The following DEPDC4 variants were observed in gnomAD, a reference collection of about 807,000 sequenced individuals.
The protein encoded by DEPDC4 is DEP domain containing 4, also known as DEP domain-containing protein 4.
Under a neutral mutation model 52.0 loss-of-function variants are expected in DEPDC4, and 52 were observed. That is an observed-to-expected ratio of 1.00 (90% CI 0.80 to 1.26). The LOEUF (loss-of-function observed/expected upper bound fraction) is 1.26. DEPDC4 is among the 50% of genes most tolerant of loss of function. DEPDC4 has a pLI of 0.00. For missense variants in DEPDC4, 530 were observed against 546.9 expected (o/e 0.97, Z 0.31); for synonymous variants, 201 against 196.8 (o/e 1.02, Z -0.18).
At chr12:100,279,296 A>G in the DEPDC4 span, among the ~76,000 whole-genome samples, 1 of 152,200 alleles carries the variant, frequency 6.6e-6, no homozygotes, top group African/African-American at 2.4e-5. Flanking sequence ...GGCTCCTTTG[A>G]GAATCTATTG....
At chr12:100,259,421 A>G (rs1318925982) in intron 3 of DEPDC4, among the ~76,000 whole-genome samples, 1 of 152,202 alleles carries the variant, frequency 6.6e-6, no homozygotes, top group Non-Finnish European at 1.5e-5. Flanking sequence ...ATGTGTATGA[A>G]TGTAAAAAAC....
rs1303120230 is a variant in DEPDC4, at chr12:100,241,669, G to T, written c.*223C>A. On this transcript the variant is annotated 3_prime_UTR_variant, in exon 10 of 10. Transcript: ENST00000550587. ...AATTGTAGTTTCTTGTATCAGAAAT[G>T]TTAATTCAAAGCTTCTGGATGGTGT... is the stretch of plus-strand genomic sequence containing the variant. 3 of 1,210,140 alleles carry T rather than the reference G, an allele frequency of 2.5e-6. No individual in the cohort carries two copies. The highest frequency in any genetic ancestry group is 3.2e-5 in the African/African-American group (2 of 61,916). 75.0% of individuals were successfully genotyped at this position (1,210,140 alleles called of 1,614,324 possible). A position where few individuals can be genotyped will look rare whatever the true frequency, so the allele number is the denominator to read the frequency against.
At chr12:100,259,780 G>A (rs2096247326) in intron 3 of DEPDC4, among the ~76,000 whole-genome samples, 1 of 152,124 alleles carries the variant, frequency 6.6e-6, no homozygotes, top group Non-Finnish European at 1.5e-5. Context: ...AGTTGTAAAT[G>A]GCCTGTCTGG....
At chr12:100,242,324 C>CTTTTTTTTTTTTTTT (rs746693169) in intron 9 of DEPDC4, among the ~76,000 whole-genome samples, 162 bp downstream of exon 9, 1 of 96,038 alleles carries the variant, frequency 1.0e-5, no homozygotes, top group Non-Finnish European at 2.1e-5. Flanking sequence ...ACTATGAGGG[C>CTTTTTTTTTTTTTTT]TTTTTTTTTT....
chr12:100,248,558 G>A (rs970666221), intron 8 of DEPDC4, among the ~76,000 whole-genome samples: 2 of 152,060 alleles, frequency 1.3e-5, no homozygotes, highest in Non-Finnish European at 2.9e-5. Flanking sequence ...GAGAGAGGAT[G>A]AAAAACAAGA....
At chr12:100,273,716 C>T in the DEPDC4 span, among the ~76,000 whole-genome samples, 2 of 152,162 alleles carry the variant, frequency 1.3e-5, no homozygotes, top group African/African-American at 4.8e-5. Context: ...GTATTATAAT[C>T]CCTTCTGGAA....
At chr12:100,238,009 G>A, downstream of DEPDC4, 1 of 950,178 alleles carries the variant, frequency 1.1e-6, no homozygotes, top group Non-Finnish European at 1.3e-6. Flanking sequence ...TTCCAAATAA[G>A]GAGACTTCTA....
intron 8 of DEPDC4, among the ~76,000 whole-genome samples, chr12:100,243,683 A>G (rs2096170193): frequency 6.6e-6 from 1 of 151,678 alleles, no homozygotes; most frequent in Non-Finnish European, 1.5e-5. Context: ...CCTTCCTCTC[A>G]GCAGATCAGT....
the DEPDC4 span, among the ~76,000 whole-genome samples, chr12:100,275,851 T>A: frequency 6.6e-6 from 1 of 152,248 alleles, no homozygotes; most frequent in Non-Finnish European, 1.5e-5. Flanking sequence ...GGAAGTTCCT[T>A]CCTGTTCTTA....
At chr12:100,269,900 A>G (rs1435336997), upstream of DEPDC4, among the ~76,000 whole-genome samples, 1 of 152,040 alleles carries the variant, frequency 6.6e-6, no homozygotes, top group Non-Finnish European at 1.5e-5. Context: ...GGTTATTTAG[A>G]TGTTCACCAG....
At chr12:100,274,059 T>TTTTCTACTGCTTACAAAA in the DEPDC4 span, among the ~76,000 whole-genome samples, 1 of 152,196 alleles carries the variant, frequency 6.6e-6, no homozygotes, top group African/African-American at 2.4e-5. Context: ...AGTAGCAACA[T>TTTTCTACTGCTTACAAAA]TTTCTAGCTG....
intron 3 of DEPDC4, 73 bp from the exon 4 acceptor site, chr12:100,256,299 G>T: frequency 1.8e-6 from 2 of 1,127,762 alleles, no homozygotes; most frequent in Non-Finnish European, 1.3e-6. Flanking sequence ...ATTATAAATC[G>T]TTCTATTTCT....
At chr12:100,238,129 A>G, downstream of DEPDC4, 1 of 907,554 alleles carries the variant, frequency 1.1e-6, no homozygotes, top group Non-Finnish European at 1.3e-6. Context: ...TTAAAAAAAA[A>G]AAATATGCAG....
intron 1 of DEPDC4, among the ~76,000 whole-genome samples, chr12:100,266,051 C>T (rs1320216249): frequency 6.6e-6 from 1 of 151,612 alleles, no homozygotes; most frequent in Non-Finnish European, 1.5e-5. Flanking sequence ...TTCTTCCGTA[C>T]CCCAGTAAAA....
At chr12:100,272,189 A>C in the DEPDC4 span, among the ~76,000 whole-genome samples, 1 of 152,234 alleles carries the variant, frequency 6.6e-6, no homozygotes. Context: ...GTGAATTATA[A>C]TAAATGGTGT....
At chr12:100,269,362 C>T (rs932736735), upstream of DEPDC4, among the ~76,000 whole-genome samples, 2 of 152,012 alleles carry the variant, frequency 1.3e-5, no homozygotes, top group African/African-American at 2.4e-5. Flanking sequence ...CATCATTCAG[C>T]TCACTTCAGG....
chr12:100,242,077 AT>A (rs1815167995), intron 9 of DEPDC4, among the ~76,000 whole-genome samples: 1 of 152,208 alleles, frequency 6.6e-6, no homozygotes, highest in African/African-American at 2.4e-5. Context: ...AGAAACTAGT[AT>A]CCCAGTTTCA....
intron 9 of DEPDC4, among the ~76,000 whole-genome samples, chr12:100,232,257 A>G (rs1247496755): frequency 1.3e-5 from 2 of 151,464 alleles, no homozygotes; most frequent in Non-Finnish European, 1.5e-5. Flanking sequence ...TTAGCCAGGT[A>G]TGGTGGCACG....
intron 4 of DEPDC4, among the ~76,000 whole-genome samples, chr12:100,254,828 C>A (rs1310634196): frequency 6.6e-6 from 1 of 152,160 alleles, no homozygotes; most frequent in Non-Finnish European, 1.5e-5. Context: ...CTCAAGTGAT[C>A]CTTTCACCTC....
Sources: gnomAD v4.1 joint callset for allele counts (sites outside exome capture counted in the v4.1 genomes callset) on GRCh38, gnomAD v4.1.1 for gene constraint, MANE v1.5 for transcripts, NCBI Gene and HGNC (gene_info 2026-07-23, HGNC 2026-07-21) for gene names.